The following SLC25A37 variants were observed in gnomAD, a reference collection of about 807,000 sequenced individuals.
SLC25A37 encodes the protein solute carrier family 25 member 37, also known as mitoferrin-1.
A neutral mutation model predicts 31.0 loss-of-function variants in SLC25A37; 17 were observed. The ratio of observed to expected loss-of-function variants is 0.55; its 90% CI spans 0.38 to 0.82. SLC25A37 has a LOEUF of 0.82. Among genes scored for constraint, SLC25A37 ranks in the 40% least tolerant of loss-of-function variants. The pLI, the probability that SLC25A37 is intolerant of heterozygous loss-of-function variation, is 0.00. For synonymous variants in SLC25A37, 222 were observed against 193.0 expected, an observed-to-expected ratio of 1.15 and a Z score of -1.24; for missense variants, 404 against 465.8, an observed-to-expected ratio of 0.87 and a Z score of 1.22.
intron 1 of SLC25A37, among the ~76,000 whole-genome samples, chr8:23,564,899 T>TCTAC (rs935166763): frequency 2.6e-5 from 4 of 152,102 alleles, no homozygotes; most frequent in Non-Finnish European, 4.4e-5. Flanking sequence ...ACCTATCTAA[T>TCTAC]CTACCTACCT....
chr8:23,562,447 C>T (rs111593749), intron 1 of SLC25A37, among the ~76,000 whole-genome samples: 8,730 of 152,304 alleles, frequency 0.057, 304 homozygotes, highest in Non-Finnish European at 0.074. Context: ...CCTTTCACCC[C>T]GGTGGGTATT....
At chr8:23,560,165 G>A (rs950159697) in intron 1 of SLC25A37, among the ~76,000 whole-genome samples, 1 of 152,228 alleles carries the variant, frequency 6.6e-6, no homozygotes, top group Non-Finnish European at 1.5e-5. Context: ...CTACTCAGGA[G>A]GCTGAGGTGG....
At chr8:23,558,117 A>G (rs1047552977) in intron 1 of SLC25A37, among the ~76,000 whole-genome samples, 3 of 152,228 alleles carry the variant, frequency 2.0e-5, no homozygotes, top group East Asian at 1.9e-4. Flanking sequence ...TCGTCTCCTC[A>G]GTCCTAGAAA....
At chr8:23,561,161 T>A (rs1259879339) in intron 1 of SLC25A37, among the ~76,000 whole-genome samples, 4 of 152,214 alleles carry the variant, frequency 2.6e-5, no homozygotes, top group African/African-American at 9.6e-5. Flanking sequence ...CAAGCTTAAC[T>A]TTCTTTTTCT....
rs1802652240 is a variant in SLC25A37, at chr8:23,566,234, G to A, written c.337G>A (p.Gly113Ser). 2 of 1,599,196 alleles carry A rather than the reference G, an allele frequency of 1.3e-6. No individual in the cohort carries two copies. Among genetic ancestry groups the A allele is most frequent in the African/African-American group, 1.4e-5 (1 of 74,004 alleles). ...PLRGVNVMIM[G>S]AGPAHAMYFA... The stretch of plus-strand genomic sequence containing the variant: ...GCGAGGCGTCAACGTCATGATCATG[G>A]GTGCAGGGCCGGCCCATGCCATGTA... Residue 113 changes from glycine to serine, a missense_variant, in exon 2 of 4, where the codon GGT (glycine) becomes AGT (serine). Coordinates refer to ENST00000519973, the MANE Select transcript of SLC25A37 (RefSeq NM_016612.4).
intron 1 of SLC25A37, among the ~76,000 whole-genome samples, chr8:23,540,250 G>T (rs530099879): frequency 8.4e-4 from 128 of 152,330 alleles, no homozygotes; most frequent in African/African-American, 3.0e-3. Flanking sequence ...AGAGCTGAAA[G>T]CGAGAGAAGA....
rs566416624 is a variant in SLC25A37 at position 23,548,282 on chromosome 8, G to A, written c.211-17826G>A. Among the ~76,000 whole-genome samples the A allele has an allele frequency of 3.1e-3, 469 of 152,176 alleles. 1 individual carries two copies. Among genetic ancestry groups the A allele is most frequent in the Non-Finnish European group, 5.0e-3 (342 of 67,994 alleles). ...CAACCTCTGCCTCCCGGGTTCAAGC[G>A]ATTCTCCTGCTTCAGCCTCCTGAGT... On this transcript the variant is annotated intron_variant, in intron 1 of 3. Transcript: ENST00000519973.
intron 3 of SLC25A37, among the ~76,000 whole-genome samples, chr8:23,570,540 AC>A (rs1802796998): frequency 6.6e-6 from 1 of 152,196 alleles, no homozygotes; most frequent in East Asian, 1.9e-4. Context: ...TCATTCAGGG[AC>A]CCAGTCAGTA....
intron 1 of SLC25A37, among the ~76,000 whole-genome samples, chr8:23,538,067 A>G (rs1364608744): frequency 6.6e-6 from 1 of 152,138 alleles, no homozygotes; most frequent in African/African-American, 2.4e-5. Context: ...TGAAAAAAAA[A>G]AAAGTTATGA....
At chr8:23,569,637 C>A (rs1047804009) in intron 3 of SLC25A37, among the ~76,000 whole-genome samples, 1 of 152,226 alleles carries the variant, frequency 6.6e-6, no homozygotes, top group Non-Finnish European at 1.5e-5. Flanking sequence ...CACATTGGGT[C>A]ATTTTGTTTT....
chr8:23,566,359 G>A, intron 2 of SLC25A37, 23 bp downstream of exon 2: 1 of 1,592,304 alleles, frequency 6.3e-7, no homozygotes, highest in Admixed American at 1.9e-5. Context: ...CGTTTGTCTG[G>A]AGTTAGAAAG....
At chr8:23,558,151 A>T (rs1008580036) in intron 1 of SLC25A37, among the ~76,000 whole-genome samples, 3 of 152,202 alleles carry the variant, frequency 2.0e-5, no homozygotes, top group Non-Finnish European at 4.4e-5. Context: ...TCGAACATGG[A>T]AAGTTTTTTA....
rs1802954200 is a variant in SLC25A37 at position 23,575,323 on chromosome 8, T to TAA, written c.*3469_*3470dup. ...TCTTAAATTTCTCAAATGCCTGTAG[T>TAA]AACTATTGTTTCTGCCTCTCAATTG... On this transcript the variant is annotated 3_prime_UTR_variant, in exon 4 of 4. Transcript: ENST00000519973. 1 of 152,232 alleles carries TAA rather than the reference T, an allele frequency of 6.6e-6. No individual in the cohort carries two copies. Among genetic ancestry groups the TAA allele is most frequent in the African/African-American group, 2.4e-5 (1 of 41,460 alleles). 9.4% of individuals were successfully genotyped at this position (152,232 alleles called of 1,614,324 possible). A position where few individuals can be genotyped will look rare whatever the true frequency, so the allele number is the denominator to read the frequency against.
At chr8:23,543,234 T>G (rs1250040042) in intron 1 of SLC25A37, 4 of 152,010 alleles carry the variant, frequency 2.6e-5, no homozygotes, top group Non-Finnish European at 5.9e-5. Context: ...ACACAGCTAA[T>G]TTTTAAATTG....
chr8:23,529,358 C>A lies in SLC25A37; in HGVS notation c.210+146C>A. On this transcript the variant is annotated intron_variant, in intron 1 of 3. Transcript: ENST00000519973. The surrounding 1 kb of genome is among the most constrained non-coding windows in gnomAD (Gnocchi z 4.1). ...CGGCTGGCCGGGGTCGCCCCAGGAGCAGCTGCGCGCAGCCTGGGCGCCGCG... is the reference window on the plus strand; with the variant it reads ...CGGCTGGCCGGGGTCGCCCCAGGAGAAGCTGCGCGCAGCCTGGGCGCCGCG... 1.6e-6 allele frequency: 1 copy of A among 617,280 alleles called. No homozygotes were observed. The highest frequency in any genetic ancestry group is 2.4e-6 in the Non-Finnish European group (1 of 414,510). 38.2% of individuals were successfully genotyped at this position (617,280 alleles called of 1,614,324 possible). A position where few individuals can be genotyped will look rare whatever the true frequency, so the allele number is the denominator to read the frequency against.
chr8:23,573,626 G>T lies in SLC25A37; in HGVS notation c.*1771G>T. ...TCCATCTTGGGACCATGCACACAGT[G>T]CCTTGGGGAGTAGATTTTGCCCTAA... On this transcript the variant is annotated 3_prime_UTR_variant, in exon 4 of 4. Coordinates refer to ENST00000519973, the MANE Select transcript of SLC25A37 (RefSeq NM_016612.4). 1 of 373,098 alleles carries T rather than the reference G, an allele frequency of 2.7e-6. No homozygotes were observed. The highest frequency in any genetic ancestry group is 5.5e-6 in the Non-Finnish European group (1 of 180,288). 23.1% of individuals were successfully genotyped at this position (373,098 alleles called of 1,614,324 possible).
chr8:23,565,284 C>T (rs1802622363), intron 1 of SLC25A37, among the ~76,000 whole-genome samples: 1 of 152,102 alleles, frequency 6.6e-6, no homozygotes, highest in African/African-American at 2.4e-5. Flanking sequence ...GTGGCTCATC[C>T]AGGCTGACCC....
At position 23,572,495 on chromosome 8, in the gene SLC25A37, G is replaced by A. The variant is rs1802889543; in HGVS notation, c.*640G>A. On this transcript the variant is annotated 3_prime_UTR_variant, in exon 4 of 4. Transcript: ENST00000519973. ...TGAATGTGGCCGGCAGCTGTGTTTA[G>A]CCCCTCCAGATGGAAGTTTCACTTG... The A allele has an allele frequency of 6.6e-6, 1 of 152,444 alleles. No individual in the cohort carries two copies. The highest frequency in any genetic ancestry group is 2.4e-5 in the African/African-American group (1 of 41,362). 9.4% of individuals were successfully genotyped at this position (152,444 alleles called of 1,614,324 possible).
At chr8:23,534,923 A>G (rs1467654154) in intron 1 of SLC25A37, among the ~76,000 whole-genome samples, 1 of 151,944 alleles carries the variant, frequency 6.6e-6, no homozygotes, top group Non-Finnish European at 1.5e-5. Context: ...TGATGCACAG[A>G]CTTCACCTCC....
Sources: gnomAD v4.1 joint callset for allele counts (sites outside exome capture counted in the v4.1 genomes callset) on GRCh38, gnomAD v4.1.1 for gene constraint, Gnocchi (gnomAD v3.1) non-coding constraint, MANE v1.5 for transcripts, NCBI Gene and HGNC (gene_info 2026-07-23, HGNC 2026-07-21) for gene names.